MAPT: variants seen among roughly 807,000 people sequenced by gnomAD.
The protein encoded by MAPT is microtubule associated protein tau, also known as microtubule-associated protein tau.
In MAPT, 34 loss-of-function variants were observed where a neutral mutation model predicts 67.9. The ratio of observed to expected loss-of-function variants is 0.50; its 90% CI spans 0.38 to 0.67. MAPT has a LOEUF of 0.67. Among genes scored for constraint, MAPT ranks in the 30% least tolerant of loss-of-function variants. The pLI is 0.00. For missense variants in MAPT, 881 were observed against 1,115.2 expected, an observed-to-expected ratio of 0.79 and a Z score of 2.99; for synonymous variants, 456 against 464.5, an observed-to-expected ratio of 0.98 and a Z score of 0.23.
intron 1 of MAPT, among the ~76,000 whole-genome samples, chr17:45,948,581 G>C (rs1217215202): frequency 6.6e-6 from 1 of 152,134 alleles, no homozygotes; most frequent in Non-Finnish European, 1.5e-5. Flanking sequence ...TTTAATCTCG[G>C]CTATCACTTG....
rs773360261 is a variant in MAPT at position 45,983,675 on chromosome 17, C to T, written c.1096C>T (p.Arg366Trp). ...AGAGCCCGACGGGCCCAGTGTAGGGCGGGCCAAAGGGCAGGATGCCCCCCT... is the reference window on the plus strand; with the variant it reads ...AGAGCCCGACGGGCCCAGTGTAGGGTGGGCCAAAGGGCAGGATGCCCCCCT... ...ASEPDGPSVG[R>W]AKGQDAPLEF... Residue 366 changes from arginine to tryptophan, a missense_variant, in exon 5 of 13, where the codon CGG (arginine) becomes TGG (tryptophan). Physicochemically the swap from Arg to Trp is moderately radical, Grantham distance 101. Around this residue, in one of 6 missense-constraint regions of MAPT, gnomAD observed 687 missense variants for 766.1 expected, o/e 0.90. Transcript: ENST00000262410. 1.9e-5 allele frequency: 31 copies of T among 1,613,946 alleles called. No homozygotes were observed. The Admixed American group carries it at 3.5e-4, about 18-fold the overall frequency.
rs867004088 is a variant in MAPT, at chr17:46,010,217, C to T, written c.1999-93C>T. 45 of 832,880 alleles carry T rather than the reference C, an allele frequency of 5.4e-5. No homozygotes were observed. In the Middle Eastern group the frequency reaches 1.3e-3, roughly 25 times the overall value. The allele number at this position is 832,880 out of a possible 1,614,324, so 51.6% of individuals were successfully genotyped here. ...GAGCAAGTAGGCGGGTCCAGGGTGG[C>T]GCATGTCACTCATCGAAAGTGGAGG... On this transcript the variant is annotated intron_variant, in intron 9 of 12. Coordinates refer to ENST00000262410, the MANE Select transcript of MAPT (RefSeq NM_001377265.1). The surrounding 1 kb of genome is among the most constrained non-coding windows in gnomAD (Gnocchi z 4.7).
intron 5 of MAPT, among the ~76,000 whole-genome samples, chr17:45,984,513 G>A (rs1413200144): frequency 6.6e-6 from 1 of 152,258 alleles, no homozygotes; most frequent in African/African-American, 2.4e-5. Context: ...ACAGAGATGT[G>A]CAGGGCACAC....
At position 45,996,289 on chromosome 17, in the gene MAPT, C is replaced by A; in HGVS notation, c.1733-110C>A. 1 of 1,260,968 alleles carries A rather than the reference C, an allele frequency of 7.9e-7. No individual in the cohort carries two copies. Among genetic ancestry groups the A allele is most frequent in the Non-Finnish European group, 1.1e-6 (1 of 875,938 alleles). The allele number at this position is 1,260,968 out of a possible 1,614,324, so 78.1% of individuals were successfully genotyped here. A position where few individuals can be genotyped will look rare whatever the true frequency, so the allele number is the denominator to read the frequency against. On this transcript the variant is annotated intron_variant, in intron 8 of 12. Transcript: ENST00000262410. The surrounding 1 kb of genome is among the most constrained non-coding windows in gnomAD (Gnocchi z 4.5). ...GCGCTTCCAACCTGGCTTCCACCTG[C>A]CTAACCCAGTGGTGAGCCTGGGAAT...
chr17:46,010,070 C>T lies in MAPT; in HGVS notation c.1999-240C>T, dbSNP rs574303410. Among the ~76,000 whole-genome samples the T allele has an allele frequency of 6.6e-6, 1 of 152,336 alleles. No homozygotes were observed. The highest frequency in any genetic ancestry group is 2.1e-4 in the South Asian group (1 of 4,834). ...GCTTCGTAAAGCCCGCTGGAAATCA[C>T]TCACACTTCTGGGATGCCTTCAGAG... On this transcript the variant is annotated intron_variant, in intron 9 of 12. Transcript: ENST00000262410. This position sits in a 1 kb window ranked among gnomAD's most constrained non-coding sequence, Gnocchi z 4.7.
At chr17:45,918,094 C>G (rs2065367353) in intron 1 of MAPT, among the ~76,000 whole-genome samples, 1 of 152,174 alleles carries the variant, frequency 6.6e-6, no homozygotes, top group Non-Finnish European at 1.5e-5. Flanking sequence ...ATTTTTCTGT[C>G]TGCTTTGGCC....
intron 5 of MAPT, among the ~76,000 whole-genome samples, chr17:45,986,216 C>T (rs1260348794): frequency 6.6e-6 from 1 of 152,162 alleles, no homozygotes; most frequent in Non-Finnish European, 1.5e-5. Flanking sequence ...AGAAACCCAC[C>T]AGGCCTGGCT....
intron 9 of MAPT, among the ~76,000 whole-genome samples, chr17:46,003,798 T>C (rs1348417540): frequency 6.6e-6 from 1 of 152,186 alleles, no homozygotes; most frequent in African/African-American, 2.4e-5. Context: ...GACAGCTCTG[T>C]AACTCTGAGA....
chr17:45,902,614 C>T (rs75019527), intron 1 of MAPT, among the ~76,000 whole-genome samples: 30 of 152,278 alleles, frequency 2.0e-4, no homozygotes, highest in African/African-American at 7.0e-4. Flanking sequence ...GCATTCTCCC[C>T]GCCCATCTTC....
intron 9 of MAPT, among the ~76,000 whole-genome samples, chr17:46,004,632 G>A (rs1350767597): frequency 6.6e-6 from 1 of 152,086 alleles, no homozygotes; most frequent in African/African-American, 2.4e-5. Context: ...TTCTATAAAC[G>A]GTGTTGACTT....
intron 8 of MAPT, among the ~76,000 whole-genome samples, chr17:45,992,138 TA>T (rs201140663): frequency 5.0e-4 from 75 of 149,572 alleles, no homozygotes; most frequent in African/African-American, 1.7e-3. Context: ...TGCAGCATGA[TA>T]AAAAAAAATA....
intron 11 of MAPT, among the ~76,000 whole-genome samples, chr17:46,014,862 G>A (rs1375584910): frequency 1.4e-5 from 2 of 140,956 alleles, no homozygotes; most frequent in East Asian, 2.0e-4. Flanking sequence ...CAGCCTGGGC[G>A]ACAGAGCGAG....
chr17:45,985,125 G>A (rs2073404543), intron 5 of MAPT, among the ~76,000 whole-genome samples: 1 of 152,128 alleles, frequency 6.6e-6, no homozygotes, highest in Non-Finnish European at 1.5e-5. Context: ...CCAACATGGT[G>A]AGACCCTGTC....
chr17:45,956,548 TTATATA>T (rs57223421), intron 1 of MAPT, among the ~76,000 whole-genome samples: 12 of 95,264 alleles, frequency 1.3e-4, no homozygotes, highest in African/African-American at 4.7e-4. Context: ...GCAGGTTCTT[TTATATA>T]TATATATATA....
chr17:45,958,563 T>A (rs1278313897), intron 1 of MAPT, among the ~76,000 whole-genome samples: 3 of 151,722 alleles, frequency 2.0e-5, no homozygotes, highest in Admixed American at 2.0e-4. Context: ...TCTACAAAAG[T>A]CATAAATATT....
intron 5 of MAPT, among the ~76,000 whole-genome samples, chr17:45,984,929 G>A (rs2073385698): frequency 6.6e-6 from 1 of 152,222 alleles, no homozygotes; most frequent in South Asian, 2.1e-4. Context: ...GAAGCTCACA[G>A]TTGCAAGCAT....
intron 1 of MAPT, among the ~76,000 whole-genome samples, chr17:45,925,737 T>C: frequency 6.6e-6 from 1 of 151,994 alleles, no homozygotes; most frequent in African/African-American, 2.4e-5. Context: ...TTTAGCATAA[T>C]CTTAACTATG....
intron 11 of MAPT, among the ~76,000 whole-genome samples, 181 bp downstream of exon 11, chr17:46,014,505 C>T (rs368500679): frequency 3.1e-4 from 47 of 152,178 alleles, no homozygotes; most frequent in Non-Finnish European, 3.8e-4. Context: ...GGCTCCAGCT[C>T]GCTCCTGCCC....
Position 45,995,925 on chromosome 17 carries a change from T to C in MAPT, c.1733-474T>C, listed in dbSNP as rs919556896. ...GGGTCTCGTCACTGCATCACCCTTA[T>C]TTAGGATAAAGGCCCTGAAGAATTG... On this transcript the variant is annotated intron_variant, in intron 8 of 12. Transcript: ENST00000262410. This position sits in a 1 kb window ranked among gnomAD's most constrained non-coding sequence, Gnocchi z 4.3. Among the ~76,000 whole-genome samples, 2 of 152,160 alleles carry C rather than the reference T, an allele frequency of 1.3e-5. No individual in the cohort carries two copies. The highest frequency in any genetic ancestry group is 4.8e-5 in the African/African-American group (2 of 41,422).
Sources: allele counts gnomAD v4.1 joint callset (sites outside exome capture counted in the v4.1 genomes callset), GRCh38; gene constraint gnomAD v4.1.1; regional missense constraint gnomAD v4.1.1; non-coding constraint Gnocchi (gnomAD v3.1); transcripts MANE v1.5; gene names NCBI Gene and HGNC (gene_info 2026-07-23, HGNC 2026-07-21).